PRMT8: variants seen among roughly 807,000 people sequenced by gnomAD.
The protein encoded by PRMT8 is protein arginine methyltransferase 8.
A neutral mutation model predicts 47.1 loss-of-function variants in PRMT8; 7 were observed. The ratio of observed to expected loss-of-function variants is 0.15; its 90% confidence interval spans 0.08 to 0.28. The LOEUF (loss-of-function observed/expected upper bound fraction) is 0.28, where lower values mean the gene tolerates loss of function less well. PRMT8 is among the 10% of genes least tolerant of loss of function. The pLI is 1.00. For synonymous variants in PRMT8, 188 were observed against 186.5 expected (o/e 1.01, Z -0.07); for missense variants, 237 against 505.4 (o/e 0.47, Z 5.09).
chr12:3,575,494 G>T (rs1224186773), intron 6 of PRMT8, among the ~76,000 whole-genome samples: 1 of 152,234 alleles, frequency 6.6e-6, no homozygotes, highest in Non-Finnish European at 1.5e-5. Context: ...TTGCATTCCT[G>T]GTTGCTGTCA....
At chr12:3,420,006 G>A (rs1864523795) in intron 1 of PRMT8, among the ~76,000 whole-genome samples, 1 of 113,558 alleles carries the variant, frequency 8.8e-6, no homozygotes, top group African/African-American at 3.3e-5. Context: ...GAGAGGGGGA[G>A]AGAGGGGAAA....
Position 3,428,249 on chromosome 12 carries a change from CT to C in PRMT8, c.48+46819del, listed in dbSNP as rs35618423. 2.8e-3 allele frequency among the ~76,000 whole-genome samples: 395 copies of C among 143,458 alleles called. 1 individual carries two copies. Among genetic ancestry groups the C allele is most frequent in the East Asian group, 3.9e-3 (19 of 4,886 alleles). 94.1% of individuals were successfully genotyped at this position (143,458 alleles called of 152,430 possible). On this transcript the variant is annotated intron_variant, in intron 1 of 9. Transcript: ENST00000452611. ...TATTAAATCATCTTTTTCTTTCTTT[CT>C]TTTTTTTTTTTAACACAATAGCCCT... is the stretch of plus-strand genomic sequence containing the variant.
chr12:3,390,085 A>G (rs1864179581), intron 1 of PRMT8, among the ~76,000 whole-genome samples: 1 of 152,250 alleles, frequency 6.6e-6, no homozygotes, highest in Non-Finnish European at 1.5e-5. Context: ...AGTGGGGAGA[A>G]GAAGTGGTGA....
chr12:3,397,257 A>G (rs546958656), intron 1 of PRMT8, among the ~76,000 whole-genome samples: 13 of 152,072 alleles, frequency 8.5e-5, no homozygotes, highest in East Asian at 1.9e-4. Flanking sequence ...CTGGTGAGGA[A>G]CTGCGTTCCT....
chr12:3,403,308 G>A (rs968616694), intron 1 of PRMT8, among the ~76,000 whole-genome samples: 11 of 152,066 alleles, frequency 7.2e-5, no homozygotes, highest in Non-Finnish European at 1.6e-4. Context: ...ACACACTGAG[G>A]CCTATGGGAG....
chr12:3,539,972 G>A (rs886605549), intron 1 of PRMT8, among the ~76,000 whole-genome samples: 2 of 152,182 alleles, frequency 1.3e-5, no homozygotes, highest in African/African-American at 4.8e-5. Flanking sequence ...GTGGAGAGAA[G>A]CCCATGGGTT....
chr12:3,462,374 G>T (rs913036775), intron 1 of PRMT8, among the ~76,000 whole-genome samples: 4 of 152,010 alleles, frequency 2.6e-5, no homozygotes, highest in Non-Finnish European at 5.9e-5. Context: ...AAAGAAGGGG[G>T]CAGAGTGGGC....
chr12:3,443,385 G>A (rs902155222), intron 1 of PRMT8, among the ~76,000 whole-genome samples: 4 of 151,990 alleles, frequency 2.6e-5, no homozygotes, highest in African/African-American at 7.3e-5. Flanking sequence ...CCCGATTAAT[G>A]GCCCCACCAT....
intron 8 of PRMT8, among the ~76,000 whole-genome samples, chr12:3,588,724 A>T (rs772276686): frequency 5.3e-5 from 8 of 152,242 alleles, no homozygotes; most frequent in Non-Finnish European, 1.2e-4. Context: ...GTAGAAGAAA[A>T]GCTGCCTAAA....
Position 3,491,493 on chromosome 12 carries a change from C to T in PRMT8, c.-133C>T, listed in dbSNP as rs74057464. 1.6e-5 allele frequency: 23 copies of T among 1,442,870 alleles called. No homozygotes were observed. In the African/African-American group the frequency reaches 3.1e-4, roughly 20 times the overall value. 89.4% of individuals were successfully genotyped at this position (1,442,870 alleles called of 1,614,324 possible). On this transcript the variant is annotated 5_prime_UTR_variant, in exon 1 of 10. Transcript: ENST00000382622. ...CAGACTCCGCTGTGGCTGACTGTGC[C>T]GGCCGACGCTCCAGCTGAGGGGCTG...
intron 1 of PRMT8, among the ~76,000 whole-genome samples, chr12:3,438,292 G>A (rs1243067120): frequency 1.3e-5 from 2 of 152,198 alleles, no homozygotes; most frequent in African/African-American, 4.8e-5. Flanking sequence ...CGGTTTCAGG[G>A]ACCCTGCTGT....
chr12:3,516,129 G>T (rs921616051), intron 1 of PRMT8, among the ~76,000 whole-genome samples: 1 of 152,216 alleles, frequency 6.6e-6, no homozygotes, highest in African/African-American at 2.4e-5. Flanking sequence ...GCAGCATTGA[G>T]TGGGGCCAGG....
intron 1 of PRMT8, among the ~76,000 whole-genome samples, chr12:3,454,561 A>T (rs953591268): frequency 1.3e-5 from 2 of 152,092 alleles, no homozygotes; most frequent in African/African-American, 4.8e-5. Context: ...GGGCCAGGGA[A>T]GACGGGGCGG....
intron 1 of PRMT8, among the ~76,000 whole-genome samples, chr12:3,467,816 C>T (rs1288104303): frequency 6.6e-6 from 1 of 152,212 alleles, no homozygotes; most frequent in Non-Finnish European, 1.5e-5. Context: ...ACAGAACGCA[C>T]CTGAAGCGAA....
At chr12:3,585,194 T>A (rs1026668964) in intron 8 of PRMT8, among the ~76,000 whole-genome samples, 11 of 152,052 alleles carry the variant, frequency 7.2e-5, no homozygotes, top group Non-Finnish European at 1.6e-4. Flanking sequence ...TAAGAATGTG[T>A]TCCTATTGAG....
chr12:3,540,238 T>C (rs1425070221), intron 1 of PRMT8, among the ~76,000 whole-genome samples: 2 of 152,226 alleles, frequency 1.3e-5, no homozygotes, highest in African/African-American at 4.8e-5. Context: ...TCAGGCACCA[T>C]GCTGTGCTAT....
intron 1 of PRMT8, among the ~76,000 whole-genome samples, chr12:3,468,724 A>T (rs1354521248): frequency 6.6e-6 from 1 of 152,274 alleles, no homozygotes; most frequent in Non-Finnish European, 1.5e-5. Context: ...CTTATCCAGA[A>T]ACCTTAGCCA....
intron 6 of PRMT8, among the ~76,000 whole-genome samples, chr12:3,571,805 C>G (rs1866852264): frequency 6.6e-6 from 1 of 151,998 alleles, no homozygotes; most frequent in South Asian, 2.1e-4. Context: ...AGGAAGCAAA[C>G]CCACTTAGAA....
intron 1 of PRMT8, among the ~76,000 whole-genome samples, chr12:3,398,991 G>C (rs1313375408): frequency 6.6e-6 from 1 of 152,154 alleles, no homozygotes; most frequent in African/African-American, 2.4e-5. Flanking sequence ...TGAAGGAATG[G>C]GCTTGTTCCC....
Sources: gnomAD v4.1 joint callset for allele counts (sites outside exome capture counted in the v4.1 genomes callset) on GRCh38, gnomAD v4.1.1 for gene constraint, MANE v1.5 for transcripts, NCBI Gene and HGNC (gene_info 2026-07-23, HGNC 2026-07-21) for gene names.